Variants in PHRF1 observed in about 807,000 individuals in gnomAD.
PHRF1 encodes PHD and ring finger domains 1.
Under a neutral mutation model 128.9 loss-of-function variants are expected in PHRF1, and 53 were observed. The observed-to-expected ratio is 0.41, with a 90% CI of 0.33 to 0.52. PHRF1 has a LOEUF of 0.52. Among genes scored for constraint, PHRF1 ranks in the 20% least tolerant of loss-of-function variants. The pLI, the probability that PHRF1 is intolerant of heterozygous loss-of-function variation, is 0.21. For missense variants in PHRF1, 2,503 were observed against 2,284.5 expected, an observed-to-expected ratio of 1.10 and a Z score of -1.95; for synonymous variants, 1,178 against 980.6, an observed-to-expected ratio of 1.20 and a Z score of -3.76.
rs1856220499 is a variant in PHRF1 at position 609,565 on chromosome 11, A to G, written c.4109A>G (p.Asp1370Gly). ...GATGTGGCGCCTGCGGGGAAGGAAG[A>G]CAGCCCCTCTGCGAGTGGGAGGGTA... ...SPDVAPAGKE[D>G]SPSASGRVQE... Residue 1370 changes from aspartate to glycine, a missense_variant, in exon 14 of 18, where the codon GAC (aspartate) becomes GGC (glycine). Transcript: ENST00000264555. The G allele has an allele frequency of 6.3e-7, 1 of 1,599,882 alleles. No individual in the cohort carries two copies. Among genetic ancestry groups the G allele is most frequent in the East Asian group, 2.3e-5 (1 of 44,386 alleles).
intron 6 of PHRF1, among the ~76,000 whole-genome samples, chr11:593,098 C>G (rs4963178): frequency 6.6e-6 from 1 of 152,188 alleles, no homozygotes; most frequent in East Asian, 1.9e-4. Flanking sequence ...TTATGCTGCA[C>G]CTGCTGCTCT....
Position 612,093 on chromosome 11 carries a change from G to T in PHRF1, c.*316G>T, listed in dbSNP as rs969441261. The T allele has an allele frequency of 5.0e-6, 2 of 400,088 alleles. No individual in the cohort carries two copies. The highest frequency in any genetic ancestry group is 4.2e-5 in the Admixed American group (1 of 23,898). 24.8% of individuals were successfully genotyped at this position (400,088 alleles called of 1,614,324 possible). A position where few individuals can be genotyped will look rare whatever the true frequency, so the allele number is the denominator to read the frequency against. The stretch of plus-strand genomic sequence containing the variant: ...ATTGACTTACTACTTGGAAGATAAA[G>T]CACTTGGTGATCAAGAGGGGCTCCT... On this transcript the variant is annotated 3_prime_UTR_variant, in exon 18 of 18. Transcript: ENST00000264555.
Position 597,491 on chromosome 11 carries a change from C to T in PHRF1, c.815C>T (p.Ala272Val), listed in dbSNP as rs1218338109. ...CGGCCTCGAGCAGGTAGGACCCGGG[C>T]GATAGCCAGGACACGGCAGAGTGAG... ...RLRPRAGRTR[A>V]IARTRQSERV... is the part of the protein sequence containing the mutation. Residue 272 changes from alanine (A) to valine (V), a missense_variant, in exon 8 of 18, where the codon GCG becomes GTG. Transcript: ENST00000264555. This position sits in a 1 kb window ranked among gnomAD's most constrained non-coding sequence, Gnocchi z 6.5. The T allele has an allele frequency of 1.9e-6, 3 of 1,612,538 alleles. No individual in the cohort carries two copies. Among genetic ancestry groups the T allele is most frequent in the East Asian group, 2.2e-5 (1 of 44,854 alleles).
rs1589856643 is a variant in PHRF1 at position 581,703 on chromosome 11, T to C, written c.94+97T>C. On this transcript the variant is annotated intron_variant, in intron 2 of 17. Coordinates refer to ENST00000264555, the MANE Select transcript of PHRF1 (RefSeq NM_001286581.2). ...GTCTGTGTGTGTCACTTGTCAACTT[T>C]CAGTCTAAAAAAATTATGCTTTGAT... The C allele has an allele frequency of 3.3e-6, 4 of 1,221,622 alleles. No individual in the cohort carries two copies. The South Asian group carries it at 6.1e-5, about 19-fold the overall frequency. 75.7% of individuals were successfully genotyped at this position (1,221,622 alleles called of 1,614,324 possible).
rs1379011177 is a variant in PHRF1, at chr11:592,154, A to G, written c.505-405A>G. 2.6e-5 allele frequency among the ~76,000 whole-genome samples: 4 copies of G among 151,040 alleles called. No individual in the cohort carries two copies. The East Asian group carries it at 7.8e-4, about 29-fold the overall frequency. On this transcript the variant is annotated intron_variant, in intron 5 of 17. Transcript: ENST00000264555. ...ATGGTCTCGATCTCCTGACCTCGTG[A>G]TCCACCCACCTCGGCCTCCCAAAGT...
intron 5 of PHRF1, among the ~76,000 whole-genome samples, chr11:591,748 C>T (rs777898829): frequency 2.6e-5 from 4 of 152,064 alleles, no homozygotes; most frequent in Non-Finnish European, 4.4e-5. Flanking sequence ...CCCGTCTGCT[C>T]GGAGCTCTTT....
intron 3 of PHRF1, among the ~76,000 whole-genome samples, chr11:582,518 T>G (rs1343214858): frequency 6.6e-6 from 1 of 151,966 alleles, no homozygotes; most frequent in Non-Finnish European, 1.5e-5. Flanking sequence ...GTGCCTGGCC[T>G]GTAGTCCTCC....
chr11:608,850 C>T lies in PHRF1; in HGVS notation c.3394C>T (p.Leu1132Phe), dbSNP rs768943240. Residue 1132 changes from leucine to phenylalanine, a missense_variant, in exon 14 of 18, where the codon CTC (leucine) becomes TTC (phenylalanine). Physicochemically the swap from Leu to Phe is conservative, Grantham distance 22. Coordinates refer to ENST00000264555, the MANE Select transcript of PHRF1 (RefSeq NM_001286581.2). ...ECSPTSSLER[L>F]CRHKHQRERS... ...CTCCCCCACCAGCAGCCTGGAGAGG[C>T]TCTGCAGGCACAAGCATCAGCGGGA... 1.2e-6 allele frequency: 2 copies of T among 1,612,352 alleles called. No homozygotes were observed. The highest frequency in any genetic ancestry group is 2.2e-5 in the East Asian group (1 of 44,852).
rs1254890910 is a variant in PHRF1 at position 610,226 on chromosome 11, GAGA to G, written c.4298_4300del (p.Glu1433del). 1 of 1,545,712 alleles carries G rather than the reference GAGA, an allele frequency of 6.5e-7. No homozygotes were observed. Among genetic ancestry groups the G allele is most frequent in the African/African-American group, 1.4e-5 (1 of 72,988 alleles). ...CCACTTCACAGGCCACAGAAGCCCCGAGAAGGAGCCTGGGACATGGAGGATGTG... is the reference window on the plus strand; with the variant it reads ...CCACTTCACAGGCCACAGAAGCCCCGAGGAGCCTGGGACATGGAGGATGTG... On this transcript the variant is annotated inframe_deletion, in exon 15 of 18. Transcript: ENST00000264555.
intron 4 of PHRF1, among the ~76,000 whole-genome samples, chr11:588,401 C>A (rs569166560): frequency 6.6e-6 from 1 of 150,988 alleles, no homozygotes; most frequent in South Asian, 2.1e-4. Context: ...TTTTTTGAGA[C>A]GGAGTTTTGT....
intron 1 of PHRF1, among the ~76,000 whole-genome samples, chr11:578,802 C>T (rs1303070726): frequency 6.6e-6 from 1 of 152,160 alleles, no homozygotes; most frequent in Non-Finnish European, 1.5e-5. Context: ...CTGCCTGCCT[C>T]AGCCTCCCAA....
intron 16 of PHRF1, 75 bp from the exon 17 acceptor site, chr11:610,879 C>T (rs1856342657): frequency 6.3e-7 from 1 of 1,590,748 alleles, no homozygotes; most frequent in Non-Finnish European, 8.6e-7. Context: ...GCAAGGGTGT[C>T]CAGAACCACA....
intron 12 of PHRF1, 57 bp downstream of exon 12, chr11:605,781 G>A (rs1855904412): frequency 1.3e-6 from 2 of 1,545,092 alleles, no homozygotes; most frequent in African/African-American, 1.4e-5. Context: ...CATCGGATGG[G>A]AGTTCTAGGG....
rs1295401457 is a variant in PHRF1 at position 603,725 on chromosome 11, GTTTGT to G, written c.1153-1390_1153-1386del. Reference sequence around the variant, plus strand: ...CATATTTATCTAAAACCATATTTAAGTTTGTTTTTTTTTTTTTTTTTTTTTTGAGA... The same window carrying G: ...CATATTTATCTAAAACCATATTTAAGTTTTTTTTTTTTTTTTTTTTTGAGA... On this transcript the variant is annotated intron_variant, in intron 10 of 17. Coordinates refer to ENST00000264555, the MANE Select transcript of PHRF1 (RefSeq NM_001286581.2). Among the ~76,000 whole-genome samples the G allele has an allele frequency of 3.7e-3, 377 of 103,284 alleles. 5 individuals carry two copies. Among genetic ancestry groups the G allele is most frequent in the African/African-American group, 0.015 (345 of 23,188 alleles). 67.8% of individuals were successfully genotyped at this position (103,284 alleles called of 152,430 possible).
intron 4 of PHRF1, among the ~76,000 whole-genome samples, chr11:590,134 C>CCTGAGAATGTGTGCAA (rs1423830284): frequency 6.6e-6 from 1 of 152,208 alleles, no homozygotes; most frequent in Admixed American, 6.5e-5. Flanking sequence ...CAGGGTTCAG[C>CCTGAGAATGTGTGCAA]AGCAGGGCTC....
Position 609,535 on chromosome 11 carries a change from C to G in PHRF1, c.4079C>G (p.Ser1360Cys), listed in dbSNP as rs1164848927. ...GCTGAGAAGGCTGAGGCACCCAGTT[C>G]CCCGGATGTGGCGCCTGCGGGGAAG... Reference protein sequence around the residue: ...DAAEKAEAPSSPDVAPAGKED... With the variant: ...DAAEKAEAPSCPDVAPAGKED... The change falls in exon 14 of 18, where the codon TCC becomes TGC. Residue 1360 changes from serine (S) to cysteine (C), a missense_variant. Ser to Cys is a moderately radical substitution (Grantham distance 112). Transcript: ENST00000264555. The G allele has an allele frequency of 1.9e-6, 3 of 1,600,792 alleles. No homozygotes were observed. The highest frequency in any genetic ancestry group is 2.6e-6 in the Non-Finnish European group (3 of 1,176,166).
chr11:610,863 G>A (rs894699052), intron 16 of PHRF1, 91 bp from the exon 17 acceptor site: 5 of 1,584,946 alleles, frequency 3.2e-6, no homozygotes, highest in South Asian at 1.1e-5. Context: ...CTGTGCCTCT[G>A]GAACTGCAAG....
chr11:590,556 C>A (rs1442070960), intron 4 of PHRF1, among the ~76,000 whole-genome samples: 1 of 152,134 alleles, frequency 6.6e-6, no homozygotes, highest in Non-Finnish European at 1.5e-5. Context: ...TTTGTCAGAG[C>A]CGATTGAATT....
intron 6 of PHRF1, among the ~76,000 whole-genome samples, chr11:594,650 C>T (rs114221314): frequency 0.015 from 2,317 of 152,156 alleles, 61 homozygotes; most frequent in African/African-American, 0.053. Context: ...TATGGAGAAA[C>T]GGGGTTTCAC....
Sources: allele counts gnomAD v4.1 joint callset (sites outside exome capture counted in the v4.1 genomes callset), GRCh38; gene constraint gnomAD v4.1.1; non-coding constraint Gnocchi (gnomAD v3.1); transcripts MANE v1.5; gene names NCBI Gene and HGNC (gene_info 2026-07-23, HGNC 2026-07-21).